CCDC77: variants seen among roughly 807,000 people sequenced by gnomAD.
CCDC77 encodes coiled-coil domain-containing protein 77.
A neutral mutation model predicts 66.8 loss-of-function variants in CCDC77; 56 were observed. That is an observed-to-expected ratio of 0.84 (90% CI 0.68 to 1.05). CCDC77 has a LOEUF of 1.05. Among genes scored for constraint, CCDC77 ranks in the 50% least tolerant of loss-of-function variants. The probability of loss-of-function intolerance (pLI) is 0.00; values close to 1 mark genes in which losing one functional copy is unlikely to be tolerated. For synonymous variants in CCDC77, 196 were observed against 195.2 expected (o/e 1.00, Z -0.03); for missense variants, 570 against 576.8 (o/e 0.99, Z 0.12).
intron 7 of CCDC77, among the ~76,000 whole-genome samples, chr12:431,613 C>G (rs1447330196): frequency 6.6e-6 from 1 of 152,124 alleles, no homozygotes; most frequent in Non-Finnish European, 1.5e-5. Context: ...GTGGTTGATT[C>G]TGCCAGAAGA....
chr12:395,918 A>G (rs963444364), intron 1 of CCDC77, among the ~76,000 whole-genome samples: 19 of 152,054 alleles, frequency 1.2e-4, no homozygotes, highest in Admixed American at 9.8e-4. Flanking sequence ...AATAAAAAAT[A>G]TAAAACAATA....
At chr12:395,450 A>G (rs762246574) in intron 1 of CCDC77, among the ~76,000 whole-genome samples, 1 of 152,204 alleles carries the variant, frequency 6.6e-6, no homozygotes, top group African/African-American at 2.4e-5. Flanking sequence ...TGCTAAATGA[A>G]TATCCAATCA....
At chr12:397,015 G>A (rs975376911), upstream of CCDC77, among the ~76,000 whole-genome samples, 6 of 152,156 alleles carry the variant, frequency 3.9e-5, no homozygotes, top group Non-Finnish European at 5.9e-5. Context: ...CAAGCAATTC[G>A]CCTGCCTCAG....
At chr12:413,820 G>A (rs1247338475) in intron 4 of CCDC77, among the ~76,000 whole-genome samples, 1 of 150,632 alleles carries the variant, frequency 6.6e-6, no homozygotes. Context: ...TAGAGGCAGG[G>A]TTTCACTGTG....
chr12:400,731 A>G (rs2137529095), upstream of CCDC77, among the ~76,000 whole-genome samples: 1 of 152,360 alleles, frequency 6.6e-6, no homozygotes. Flanking sequence ...ATAACAGATC[A>G]GCATAACATA....
intron 1 of CCDC77, among the ~76,000 whole-genome samples, chr12:390,420 G>A (rs1231535353): frequency 6.6e-6 from 1 of 152,144 alleles, no homozygotes; most frequent in Non-Finnish European, 1.5e-5. Flanking sequence ...TTCTCCATAT[G>A]ATCTACAGAA....
chr12:432,212 C>G (rs762422821), intron 8 of CCDC77, among the ~76,000 whole-genome samples: 4 of 152,208 alleles, frequency 2.6e-5, no homozygotes, highest in Non-Finnish European at 5.9e-5. Flanking sequence ...AAAACCATTA[C>G]AAGGTAAGAA....
rs1565557522 is a variant in CCDC77 at position 389,570 on chromosome 12, G to GGGA, written c.-113+84_-113+85insGGA. ...CCGACGGGGCGAGGCGGGGCGAGGC[G>GGGA]CAACGAGGCGGGGCGAGGCGCGACG... On this transcript the variant is annotated intron_variant, in intron 1 of 11. Coordinates refer to the CCDC77 transcript ENST00000422000. The GGGA allele has an allele frequency of 1.3e-5, 3 of 238,146 alleles. 1 individual carries two copies. The highest frequency in any genetic ancestry group is 6.8e-5 in the East Asian group (1 of 14,780). 14.8% of individuals were successfully genotyped at this position (238,146 alleles called of 1,614,324 possible). A position where few individuals can be genotyped will look rare whatever the true frequency, so the allele number is the denominator to read the frequency against.
intron 9 of CCDC77, among the ~76,000 whole-genome samples, chr12:434,290 CA>C: frequency 6.6e-6 from 1 of 152,094 alleles, no homozygotes; most frequent in Middle Eastern, 3.4e-3. Context: ...TCATCCCCAC[CA>C]TTTTACTAAA....
intron 5 of CCDC77, among the ~76,000 whole-genome samples, chr12:428,241 A>G (rs944557334): frequency 4.6e-5 from 7 of 151,982 alleles, no homozygotes; most frequent in East Asian, 1.9e-4. Context: ...GGCCGGGCGC[A>G]GTGGCTCCCG....
At chr12:409,207 T>C (rs1339046991) in intron 2 of CCDC77, among the ~76,000 whole-genome samples, 161 bp from the exon 3 acceptor site, 9 of 140,864 alleles carry the variant, frequency 6.4e-5, no homozygotes, top group Admixed American at 2.2e-4. Flanking sequence ...TGAGACACTG[T>C]CTCAAAAAAA....
intron 1 of CCDC77, among the ~76,000 whole-genome samples, chr12:404,359 A>G (rs1264842740): frequency 6.6e-6 from 1 of 152,234 alleles, no homozygotes; most frequent in East Asian, 1.9e-4. Flanking sequence ...CTATCTAATT[A>G]AGAATACAAG....
In CCDC77 at chr12:442,543, C is replaced by G. The variant is rs1021807722; in HGVS notation, c.*623C>G. The G allele has an allele frequency of 6.6e-6, 1 of 152,088 alleles. No individual in the cohort carries two copies. The highest frequency in any genetic ancestry group is 6.5e-5 in the Admixed American group (1 of 15,272). The allele number at this position is 152,088 out of a possible 1,614,324, so 9.4% of individuals were successfully genotyped here. ...CCGAGGGGATGAAGCTGAGATGATG[C>G]TTGTATGGAAAGTTTGATATTTTTA... On this transcript the variant is annotated 3_prime_UTR_variant, in exon 13 of 13. Coordinates refer to ENST00000239830, the MANE Select transcript of CCDC77 (RefSeq NM_032358.4).
intron 5 of CCDC77, among the ~76,000 whole-genome samples, chr12:423,489 G>GTTTTTTTTTT (rs1179236405): frequency 1.2e-4 from 4 of 32,684 alleles, no homozygotes; most frequent in African/African-American, 2.5e-4. Flanking sequence ...GTTTTTTTTT[G>GTTTTTTTTTT]TTTTGTTTTT....
At chr12:422,631 A>G (rs145189648) in intron 5 of CCDC77, among the ~76,000 whole-genome samples, 126 of 152,344 alleles carry the variant, frequency 8.3e-4, no homozygotes, top group African/African-American at 2.9e-3. Context: ...ATATTCCATT[A>G]TATGTGTGTA....
At chr12:427,005 GGGT>G (rs1365901985) in intron 5 of CCDC77, among the ~76,000 whole-genome samples, 2 of 151,956 alleles carry the variant, frequency 1.3e-5, no homozygotes, top group East Asian at 3.8e-4. Flanking sequence ...CAGCACTTTG[GGGT>G]GGCTGAGGCG....
chr12:438,914 A>G (rs1205047590), intron 10 of CCDC77, among the ~76,000 whole-genome samples: 2 of 145,806 alleles, frequency 1.4e-5, no homozygotes, highest in Admixed American at 1.4e-4. Flanking sequence ...TAAAAATACA[A>G]AAAAAAAAAA....
At chr12:400,394 A>C (rs1350742468), upstream of CCDC77, among the ~76,000 whole-genome samples, 1 of 152,206 alleles carries the variant, frequency 6.6e-6, no homozygotes, top group Non-Finnish European at 1.5e-5. Flanking sequence ...AACTTGGCTA[A>C]CTTTGGTGCA....
At chr12:408,188 TAAG>T (rs1945035977) in intron 2 of CCDC77, among the ~76,000 whole-genome samples, 1 of 152,134 alleles carries the variant, frequency 6.6e-6, no homozygotes, top group Admixed American at 6.6e-5. Context: ...GAATGCTTGA[TAAG>T]AAAGTTTTCA....
Sources: gnomAD v4.1 joint callset for allele counts (sites outside exome capture counted in the v4.1 genomes callset) on GRCh38, gnomAD v4.1.1 for gene constraint, MANE v1.5 for transcripts, NCBI Gene and HGNC (gene_info 2026-07-23, HGNC 2026-07-21) for gene names.